The following RAB27B variants were observed in gnomAD, a reference collection of about 807,000 sequenced individuals.
RAB27B encodes the protein RAB27B, member RAS oncogene family.
RAB27B carries 15 observed loss-of-function variants against 24.6 expected under a neutral mutation model. That is an observed-to-expected ratio of 0.61 (90% CI 0.41 to 0.94). The LOEUF is 0.94. Among genes scored for constraint, RAB27B ranks in the 40% least tolerant of loss-of-function variants. The pLI, the probability that RAB27B is intolerant of heterozygous loss-of-function variation, is 0.00. For missense variants in RAB27B, 261 were observed against 266.8 expected (o/e 0.98, Z 0.15); for synonymous variants, 105 against 92.5 (o/e 1.14, Z -0.78).
In RAB27B at chr18:54,792,433, C is replaced by T. The variant is rs562567590; in HGVS notation, c.-20+74292C>T. On this transcript the variant is annotated intron_variant, in intron 2 of 4. Coordinates refer to the RAB27B transcript ENST00000586570. The stretch of plus-strand genomic sequence containing the variant: ...ACTCATAAGCTAACTTTGTGTGCCA[C>T]GCGCCTTAGTCTCTCTACATGGTCA... 2.4e-4 allele frequency among the ~76,000 whole-genome samples: 37 copies of T among 152,286 alleles called. 1 individual carries two copies. In the South Asian group the frequency reaches 7.0e-3, roughly 29 times the overall value.
intron 2 of RAB27B, among the ~76,000 whole-genome samples, chr18:54,813,532 G>A (rs1910032356): frequency 6.6e-6 from 1 of 152,136 alleles, no homozygotes; most frequent in Non-Finnish European, 1.5e-5. Flanking sequence ...TGGCACCTCT[G>A]CCCTCTGTCT....
intron 1 of RAB27B, among the ~76,000 whole-genome samples, chr18:54,863,757 A>G (rs1307557449): frequency 6.6e-6 from 1 of 152,248 alleles, no homozygotes; most frequent in Non-Finnish European, 1.5e-5. Context: ...TATAAGTAGA[A>G]TCATAAAAAA....
chr18:54,836,641 A>G (rs1048213221), intron 1 of RAB27B, among the ~76,000 whole-genome samples: 6 of 152,018 alleles, frequency 3.9e-5, no homozygotes, highest in Admixed American at 2.0e-4. Flanking sequence ...TTGCATTGCA[A>G]TATTTTATAA....
intron 2 of RAB27B, among the ~76,000 whole-genome samples, chr18:54,722,788 T>C (rs1480264511): frequency 6.6e-6 from 1 of 152,180 alleles, no homozygotes; most frequent in African/African-American, 2.4e-5. Context: ...AAAATTGCTA[T>C]GGTGTGATTT....
chr18:54,786,336 TTC>T (rs1194375273), intron 2 of RAB27B, among the ~76,000 whole-genome samples: 7 of 152,244 alleles, frequency 4.6e-5, no homozygotes, highest in African/African-American at 1.4e-4. Context: ...TTACTTTTCT[TTC>T]TCTGTGTCAT....
chr18:54,888,098 G>T lies in RAB27B; in HGVS notation c.447G>T (p.Arg149=), dbSNP rs777138982. 1.2e-6 allele frequency: 2 copies of T among 1,612,692 alleles called. No individual in the cohort carries two copies. Among genetic ancestry groups the T allele is most frequent in the Non-Finnish European group, 1.7e-6 (2 of 1,179,222 alleles). Reference sequence around the variant, plus strand: ...GGGAAGTCAATGAACGGCAAGCTCGGGAACTGGCTGACAAATATGGGTAAG... The same window carrying T: ...GGGAAGTCAATGAACGGCAAGCTCGTGAACTGGCTGACAAATATGGGTAAG... ...DQREVNERQA[R]ELADKYGIPY... is the part of the protein sequence containing the mutation. The change falls in exon 5 of 6, where the codon CGG becomes CGT. Residue 149 remains arginine, a synonymous_variant. Coordinates refer to ENST00000262094, the MANE Select transcript of RAB27B (RefSeq NM_004163.4).
At chr18:54,817,078 A>C (rs1306333609) in intron 2 of RAB27B, among the ~76,000 whole-genome samples, 1 of 152,214 alleles carries the variant, frequency 6.6e-6, no homozygotes, top group Non-Finnish European at 1.5e-5. Flanking sequence ...TAAAAAAATC[A>C]AAGTTACTGA....
At chr18:54,765,599 A>C (rs896696627) in intron 2 of RAB27B, among the ~76,000 whole-genome samples, 4 of 152,166 alleles carry the variant, frequency 2.6e-5, no homozygotes, top group African/African-American at 9.7e-5. Flanking sequence ...GACACTGGAC[A>C]CTGAATTATT....
At chr18:54,799,525 T>A (rs1477869666) in intron 2 of RAB27B, among the ~76,000 whole-genome samples, 2 of 151,748 alleles carry the variant, frequency 1.3e-5, no homozygotes, top group Non-Finnish European at 2.9e-5. Flanking sequence ...TTCTGTTTTT[T>A]AAAAAACAAT....
intron 1 of RAB27B, among the ~76,000 whole-genome samples, chr18:54,848,825 T>C (rs1002855527): frequency 6.6e-6 from 1 of 152,178 alleles, no homozygotes; most frequent in Non-Finnish European, 1.5e-5. Flanking sequence ...ATGTAAACTC[T>C]TTAATTACTT....
intron 2 of RAB27B, among the ~76,000 whole-genome samples, chr18:54,755,959 G>A (rs1907992382): frequency 6.6e-6 from 1 of 152,150 alleles, no homozygotes; most frequent in South Asian, 2.1e-4. Flanking sequence ...GAAACAACCA[G>A]CAAAGACTTC....
intron 2 of RAB27B, among the ~76,000 whole-genome samples, chr18:54,778,285 T>G (rs73960622): frequency 0.077 from 11,717 of 152,022 alleles, 660 homozygotes; most frequent in African/African-American, 0.14. Flanking sequence ...AATTTCTCTT[T>G]CTCCAAATCC....
At chr18:54,850,581 G>A (rs1301877515) in intron 1 of RAB27B, among the ~76,000 whole-genome samples, 1 of 150,496 alleles carries the variant, frequency 6.6e-6, no homozygotes, top group Non-Finnish European at 1.5e-5. Context: ...TGGTCAGGCT[G>A]GTCTCAAACT....
chr18:54,802,447 A>G (rs1399683155), intron 2 of RAB27B, among the ~76,000 whole-genome samples: 1 of 151,926 alleles, frequency 6.6e-6, no homozygotes, highest in East Asian at 1.9e-4. Flanking sequence ...TTTTTCTAGG[A>G]CTTGTTGCAG....
intron 2 of RAB27B, among the ~76,000 whole-genome samples, chr18:54,773,159 A>C (rs1908606532): frequency 6.6e-6 from 1 of 152,156 alleles, no homozygotes; most frequent in Non-Finnish European, 1.5e-5. Flanking sequence ...TAGCTTTGAA[A>C]TTTCATTTTC....
rs1418200943 is a variant in RAB27B at position 54,889,230 on chromosome 18, A to G, written c.474A>G (p.Pro158=). The G allele has an allele frequency of 1.2e-6, 2 of 1,607,896 alleles. No individual in the cohort carries two copies. The highest frequency in any genetic ancestry group is 2.2e-5 in the East Asian group (1 of 44,792). Residue 158 remains proline (P), a synonymous_variant, in exon 6 of 6, where the codon CCA becomes CCG. Coordinates refer to ENST00000262094, the MANE Select transcript of RAB27B (RefSeq NM_004163.4). ...GCCATCCTTTCTATGCTAGCATACC[A>G]TATTTTGAAACAAGTGCAGCAACTG... ...ARELADKYGI[P]YFETSAATGQ... is the part of the protein sequence containing the mutation.
At position 54,890,358 on chromosome 18, in the gene RAB27B, C is replaced by A. The variant is rs75085927; in HGVS notation, c.*945C>A. The stretch of plus-strand genomic sequence containing the variant: ...ATAAAATAGTCACAAGGAGAAATTA[C>A]CAGTTACGGTTTATTAAATCTCTTT... On this transcript the variant is annotated 3_prime_UTR_variant, in exon 6 of 6. Transcript: ENST00000262094. 4.6e-3 allele frequency: 695 copies of A among 152,212 alleles called. 7 individuals are homozygous for A. Among genetic ancestry groups the A allele is most frequent in the African/African-American group, 0.016 (659 of 41,542 alleles). The allele number at this position is 152,212 out of a possible 1,614,324, so 9.4% of individuals were successfully genotyped here.
rs376925350 is a variant in RAB27B, at chr18:54,736,320, G to A, written c.-20+18179G>A. 1.0e-3 allele frequency among the ~76,000 whole-genome samples: 157 copies of A among 152,282 alleles called. 4 individuals carry two copies. The South Asian group carries it at 0.028, about 27-fold the overall frequency. On this transcript the variant is annotated intron_variant, in intron 2 of 4. Transcript: ENST00000586570. ...TTTTATAATAGCACCCAATAGTGCA[G>A]TAAGGAAATACAACATTATCTAATT...
chr18:54,774,840 C>T (rs1271158402), intron 2 of RAB27B, among the ~76,000 whole-genome samples: 1 of 152,154 alleles, frequency 6.6e-6, no homozygotes, highest in African/African-American at 2.4e-5. Context: ...TCTGAAGTAG[C>T]TGATGTTTAT....
Sources: allele counts gnomAD v4.1 joint callset (sites outside exome capture counted in the v4.1 genomes callset), GRCh38; gene constraint gnomAD v4.1.1; transcripts MANE v1.5; gene names NCBI Gene and HGNC (gene_info 2026-07-23, HGNC 2026-07-21).